Variants in CNTNAP2 observed in about 807,000 individuals in gnomAD.
CNTNAP2 encodes the protein contactin associated protein 2, also known as contactin-associated protein-like 2.
In CNTNAP2, 98 loss-of-function variants were observed where a neutral mutation model predicts 155.2. The ratio of observed to expected loss-of-function variants is 0.63; its 90% CI spans 0.54 to 0.75. CNTNAP2 has a LOEUF of 0.75. Ranked by LOEUF, CNTNAP2 falls within the 30% of genes least tolerant of loss-of-function variation. The pLI is 0.00. For synonymous variants in CNTNAP2, 651 were observed against 631.2 expected (o/e 1.03, Z -0.47); for missense variants, 1,727 against 1,688.1 (o/e 1.02, Z -0.40).
chr7:147,267,773 G>A (rs1804647925), intron 8 of CNTNAP2, among the ~76,000 whole-genome samples: 1 of 152,156 alleles, frequency 6.6e-6, no homozygotes, highest in Non-Finnish European at 1.5e-5. Flanking sequence ...AAACTGATAT[G>A]TGTTGAGTGT....
chr7:146,326,173 C>T (rs879935630), intron 1 of CNTNAP2, among the ~76,000 whole-genome samples: 4 of 152,232 alleles, frequency 2.6e-5, no homozygotes, highest in South Asian at 4.1e-4. Flanking sequence ...ATCACACACA[C>T]GCATACACAT....
intron 14 of CNTNAP2, among the ~76,000 whole-genome samples, chr7:147,955,926 A>G (rs1801010661): frequency 6.6e-6 from 1 of 152,218 alleles, no homozygotes; most frequent in Admixed American, 6.5e-5. Flanking sequence ...CTATAATCAA[A>G]CCACAGTTTA....
intron 10 of CNTNAP2, among the ~76,000 whole-genome samples, chr7:147,462,389 C>T (rs1246312195): frequency 6.6e-6 from 1 of 152,198 alleles, no homozygotes; most frequent in East Asian, 1.9e-4. Flanking sequence ...GTACTGCTTA[C>T]TTCTCACTAG....
At chr7:147,620,364 C>T (rs987869575) in intron 12 of CNTNAP2, among the ~76,000 whole-genome samples, 1 of 152,080 alleles carries the variant, frequency 6.6e-6, no homozygotes, top group East Asian at 1.9e-4. Flanking sequence ...CCTAGTGAAA[C>T]AGAGATATGT....
intron 13 of CNTNAP2, among the ~76,000 whole-genome samples, chr7:147,839,924 G>GTA (rs202228745): frequency 1.4e-3 from 198 of 139,544 alleles, no homozygotes; most frequent in African/African-American, 4.5e-3. Flanking sequence ...TGTGTGCTGT[G>GTA]TATATATATA....
At chr7:147,404,122 A>T (rs2116473557) in intron 10 of CNTNAP2, among the ~76,000 whole-genome samples, 1 of 152,282 alleles carries the variant, frequency 6.6e-6, no homozygotes, top group Admixed American at 6.5e-5. Flanking sequence ...CCTTACTTTC[A>T]TTCATGATAA....
intron 15 of CNTNAP2, among the ~76,000 whole-genome samples, chr7:148,033,194 T>C (rs896271610): frequency 3.9e-5 from 6 of 152,164 alleles, no homozygotes; most frequent in Non-Finnish European, 7.4e-5. Flanking sequence ...ATCTCATTGC[T>C]GAATTTAAAA....
rs750626971 is a variant in CNTNAP2, at chr7:147,132,262, T to C, written c.1101T>C (p.Ser367=). 2.1e-5 allele frequency: 34 copies of C among 1,613,588 alleles called. No homozygotes were observed. In the South Asian group the frequency reaches 3.5e-4, roughly 17 times the overall value. Reference sequence around the variant, plus strand: ...TTTTACAGGGAAATTTGAGCTTTTCTTGTGTGGAACCCTATACGGTGCCTG... The same window carrying C: ...TTTTACAGGGAAATTTGAGCTTTTCCTGTGTGGAACCCTATACGGTGCCTG... ...EPSNVGNLSF[S]CVEPYTVPVF... The change falls in exon 8 of 24, where the codon TCT becomes TCC. Residue 367 remains serine, a synonymous_variant. Coordinates refer to ENST00000361727, the MANE Select transcript of CNTNAP2 (RefSeq NM_014141.6).
intron 2 of CNTNAP2, among the ~76,000 whole-genome samples, chr7:146,830,465 T>G (rs1803488845): frequency 2.0e-5 from 3 of 151,186 alleles, no homozygotes; most frequent in African/African-American, 7.3e-5. Context: ...TTTGTTCATT[T>G]ATATATATAT....
chr7:146,372,269 C>T (rs190091365), intron 1 of CNTNAP2, among the ~76,000 whole-genome samples: 4 of 152,242 alleles, frequency 2.6e-5, no homozygotes, highest in Admixed American at 6.5e-5. Flanking sequence ...AAAGAAGTTT[C>T]GCGAATTCCT....
intron 1 of CNTNAP2, among the ~76,000 whole-genome samples, chr7:146,600,540 G>T (rs914047822): frequency 6.6e-6 from 1 of 151,966 alleles, no homozygotes; most frequent in African/African-American, 2.4e-5. Context: ...AAGAGTTACT[G>T]GTCCTAAAAT....
intron 10 of CNTNAP2, among the ~76,000 whole-genome samples, chr7:147,475,577 A>G (rs1366928504): frequency 6.6e-6 from 1 of 152,028 alleles, no homozygotes; most frequent in South Asian, 2.1e-4. Flanking sequence ...TTTGTCTACC[A>G]TATTAAAATA....
chr7:148,405,603 ATTTTTTTTTTTTTTTTTTT>A (rs535094195), intron 22 of CNTNAP2, among the ~76,000 whole-genome samples: 2 of 36,794 alleles, frequency 5.4e-5, no homozygotes, highest in Non-Finnish European at 8.9e-5. Flanking sequence ...TGCACAGCTA[ATTTTTTTTTTTTTTTTTTT>A]TTTTTTTTTT....
intron 12 of CNTNAP2, among the ~76,000 whole-genome samples, chr7:147,623,165 T>C (rs1356266357): frequency 6.6e-6 from 1 of 151,918 alleles, no homozygotes; most frequent in Non-Finnish European, 1.5e-5. Flanking sequence ...AAGGCGGAAA[T>C]CTGAAAGCCT....
intron 12 of CNTNAP2, among the ~76,000 whole-genome samples, chr7:147,582,204 G>A (rs1338865253): frequency 7.0e-6 from 1 of 143,566 alleles, no homozygotes; most frequent in African/African-American, 2.4e-5. Flanking sequence ...GTTTACACTG[G>A]CACTTGTAGA....
chr7:147,108,417 G>A (rs1800810907), intron 5 of CNTNAP2, 67 bp downstream of exon 5: 2 of 1,327,518 alleles, frequency 1.5e-6, no homozygotes, highest in South Asian at 2.8e-5. Context: ...TGTTCATGTT[G>A]CTCAATTCTT....
chr7:147,167,254 A>AT (rs1802132843), intron 8 of CNTNAP2: 1 of 382,732 alleles, frequency 2.6e-6, no homozygotes, highest in African/African-American at 2.1e-5. Flanking sequence ...TAACTGGTCA[A>AT]TTTTGATAAT....
intron 1 of CNTNAP2, among the ~76,000 whole-genome samples, chr7:146,663,277 C>CAAAAAAAAAA (rs543257224): frequency 6.0e-5 from 2 of 33,228 alleles, no homozygotes; most frequent in African/African-American, 1.5e-4. Flanking sequence ...AACTCCATCT[C>CAAAAAAAAAA]AAAAAAAAAA....
intron 1 of CNTNAP2, among the ~76,000 whole-genome samples, chr7:146,585,162 G>A (rs1279851129): frequency 5.9e-5 from 9 of 151,692 alleles, no homozygotes; most frequent in Non-Finnish European, 1.2e-4. Context: ...CCACTCTATC[G>A]CCAGACTGGA....
Sources: gnomAD v4.1 joint callset for allele counts (sites outside exome capture counted in the v4.1 genomes callset) on GRCh38, gnomAD v4.1.1 for gene constraint, MANE v1.5 for transcripts, NCBI Gene and HGNC (gene_info 2026-07-23, HGNC 2026-07-21) for gene names.